Variants in PTPRD observed in about 807,000 individuals in gnomAD.
PTPRD encodes the protein receptor-type tyrosine-protein phosphatase delta.
Under a neutral mutation model 214.5 loss-of-function variants are expected in PTPRD, and 34 were observed. The ratio of observed to expected loss-of-function variants is 0.16; its 90% CI spans 0.12 to 0.21. The LOEUF is 0.21. Ranked by LOEUF, PTPRD falls within the 10% of genes least tolerant of loss-of-function variation. PTPRD has a pLI of 1.00. For synonymous variants in PTPRD, 1,128 were observed against 845.7 expected (o/e 1.33, Z -5.79); for missense variants, 2,545 against 2,398.7 (o/e 1.06, Z -1.27).
intron 2 of PTPRD, among the ~76,000 whole-genome samples, chr9:10,581,143 C>A (rs758772060): frequency 6.6e-6 from 1 of 152,076 alleles, no homozygotes; most frequent in African/African-American, 2.4e-5. Context: ...ATATCCTTAT[C>A]CCACAGAGCT....
intron 35 of PTPRD, among the ~76,000 whole-genome samples, chr9:8,430,320 A>G (rs921275588): frequency 4.0e-5 from 6 of 151,670 alleles, no homozygotes; most frequent in African/African-American, 1.5e-4. Flanking sequence ...CCCAGGCTGC[A>G]GTGCAGTGAC....
intron 11 of PTPRD, among the ~76,000 whole-genome samples, chr9:8,841,287 G>A (rs1566529986): frequency 1.3e-5 from 2 of 152,180 alleles, no homozygotes; most frequent in Non-Finnish European, 2.9e-5. Flanking sequence ...CGCTTTTGTG[G>A]ATTAACAGGT....
rs117477242 is a variant in PTPRD, at chr9:10,238,538, A to G, written c.-545+102425T>C. Among the ~76,000 whole-genome samples, 85 of 151,982 alleles carry G rather than the reference A, an allele frequency of 5.6e-4. 2 individuals carry two copies. In the East Asian group the frequency reaches 0.016, roughly 29 times the overall value. ...TTGCTTCCAAAATAAAACACTTAAA[A>G]TTTAAAGATTTGTCTCTATATTTTG... On this transcript the variant is annotated intron_variant, in intron 3 of 45. Transcript: ENST00000381196.
At chr9:9,171,904 A>T (rs1425739110) in intron 10 of PTPRD, among the ~76,000 whole-genome samples, 1 of 152,160 alleles carries the variant, frequency 6.6e-6, no homozygotes. Flanking sequence ...TTGGAAAGAC[A>T]TAATCATTAT....
chr9:8,648,830 A>C (rs1277424272), intron 12 of PTPRD, among the ~76,000 whole-genome samples: 2 of 152,202 alleles, frequency 1.3e-5, no homozygotes, highest in East Asian at 3.8e-4. Flanking sequence ...AACCTCTACC[A>C]ATGCTTTAGC....
At chr9:8,832,408 A>AT (rs1555402610) in intron 11 of PTPRD, among the ~76,000 whole-genome samples, 1 of 62,920 alleles carries the variant, frequency 1.6e-5, no homozygotes, top group Non-Finnish European at 3.1e-5. Context: ...AGCTAAAATC[A>AT]TCTTTTTTTT....
In PTPRD at chr9:8,573,528, T is replaced by G. The variant is rs115358716; in HGVS notation, c.353-44749A>C. On this transcript the variant is annotated intron_variant, in intron 14 of 45. Transcript: ENST00000381196. ...TCAATGGCAATCAGCCAGATAAATC[T>G]TGTTAATATTAAAACTGGCTTAAAG... Among the ~76,000 whole-genome samples the G allele has an allele frequency of 5.7e-3, 861 of 152,044 alleles. 4 individuals carry two copies. The highest frequency in any genetic ancestry group is 0.02 in the African/African-American group (817 of 41,540).
intron 26 of PTPRD, 37 bp downstream of exon 26, chr9:8,497,205 T>C (rs765557618): frequency 1.9e-6 from 3 of 1,547,836 alleles, no homozygotes; most frequent in African/African-American, 1.4e-5. Flanking sequence ...CAAGCATATA[T>C]AGTCTGCTTT....
chr9:9,986,386 A>G (rs373934896), intron 4 of PTPRD, among the ~76,000 whole-genome samples: 4 of 152,154 alleles, frequency 2.6e-5, no homozygotes, highest in Non-Finnish European at 4.4e-5. Flanking sequence ...TATTGATATA[A>G]TGGAATACTA....
rs188551870 is a variant in PTPRD at position 9,532,100 on chromosome 9, C to T, written c.-237+42632G>A. On this transcript the variant is annotated intron_variant, in intron 8 of 45. Coordinates refer to ENST00000381196, the MANE Select transcript of PTPRD (RefSeq NM_002839.4). ...AAGGACAAGTCTCATATATGGTTCTCGACCTTAAAAAAATTAAAATCTAAA... is the reference window on the plus strand; with the variant it reads ...AAGGACAAGTCTCATATATGGTTCTTGACCTTAAAAAAATTAAAATCTAAA... 5.3e-5 allele frequency among the ~76,000 whole-genome samples: 8 copies of T among 151,912 alleles called. No homozygotes were observed. The East Asian group carries it at 5.8e-4, about 11-fold the overall frequency.
intron 11 of PTPRD, among the ~76,000 whole-genome samples, chr9:9,001,300 T>C (rs2099417307): frequency 6.6e-6 from 1 of 152,066 alleles, no homozygotes; most frequent in South Asian, 2.1e-4. Context: ...GCCTTTGAGC[T>C]ATCTGTGCAT....
chr9:9,857,621 T>C (rs534548612), intron 5 of PTPRD, among the ~76,000 whole-genome samples: 4 of 152,306 alleles, frequency 2.6e-5, no homozygotes, highest in African/African-American at 9.6e-5. Flanking sequence ...GCTGAAGTTT[T>C]ACATTTATAT....
intron 2 of PTPRD, among the ~76,000 whole-genome samples, chr9:10,384,887 A>G (rs1036477828): frequency 1.3e-5 from 2 of 151,832 alleles, no homozygotes; most frequent in East Asian, 3.9e-4. Context: ...TTAAACCATA[A>G]CTTAAACTCT....
At chr9:9,897,122 T>TCTTACA (rs975203358) in intron 5 of PTPRD, among the ~76,000 whole-genome samples, 14 of 64,304 alleles carry the variant, frequency 2.2e-4, no homozygotes, top group Non-Finnish European at 4.2e-4. Flanking sequence ...CAAAAACATC[T>TCTTACA]CTTACACTTA....
intron 7 of PTPRD, among the ~76,000 whole-genome samples, chr9:9,702,349 G>C (rs918665690): frequency 6.6e-6 from 1 of 152,140 alleles, no homozygotes; most frequent in African/African-American, 2.4e-5. Context: ...GGGCAATAGT[G>C]TGAGATCACA....
intron 6 of PTPRD, among the ~76,000 whole-genome samples, chr9:9,747,353 G>C (rs867138156): frequency 5.3e-5 from 8 of 152,258 alleles, no homozygotes; most frequent in Non-Finnish European, 4.4e-5. Context: ...TCCATTTCTA[G>C]AGTTCATGGC....
chr9:9,760,599 TACACAC>T (rs146209140), intron 6 of PTPRD, among the ~76,000 whole-genome samples: 19,452 of 106,956 alleles, frequency 0.18, 1,381 homozygotes, highest in Middle Eastern at 0.25. Context: ...TCAGCTATCA[TACACAC>T]ACACACACAC....
At chr9:9,780,527 CAA>C (rs1242950675) in intron 5 of PTPRD, among the ~76,000 whole-genome samples, 1 of 152,064 alleles carries the variant, frequency 6.6e-6, no homozygotes, top group African/African-American at 2.4e-5. Flanking sequence ...TCATTGGTAA[CAA>C]AGAGTTACCA....
chr9:9,060,258 G>C (rs1006474602), intron 10 of PTPRD, among the ~76,000 whole-genome samples: 3 of 152,128 alleles, frequency 2.0e-5, no homozygotes, highest in Admixed American at 6.5e-5. Context: ...TGCAAACATA[G>C]AGAGTTGATT....
Sources: allele counts gnomAD v4.1 joint callset (sites outside exome capture counted in the v4.1 genomes callset), GRCh38; gene constraint gnomAD v4.1.1; transcripts MANE v1.5; gene names NCBI Gene and HGNC (gene_info 2026-07-23, HGNC 2026-07-21).